Variants in PDE1C observed in about 807,000 individuals in gnomAD.
PDE1C encodes phosphodiesterase 1C, also known as dual specificity calcium/calmodulin-dependent 3',5'-cyclic nucleotide phosphodiesterase 1C.
A neutral mutation model predicts 93.1 loss-of-function variants in PDE1C; 62 were observed. The observed-to-expected ratio is 0.67, with a 90% CI of 0.54 to 0.82. PDE1C has a LOEUF of 0.82. PDE1C is among the 40% of genes least tolerant of loss of function. PDE1C has a pLI of 0.00. For missense variants in PDE1C, 742 were observed against 884.6 expected, an observed-to-expected ratio of 0.84 and a Z score of 2.04; for synonymous variants, 325 against 310.1, an observed-to-expected ratio of 1.05 and a Z score of -0.50.
chr7:32,095,073 A>G (rs1294125326), intron 3 of PDE1C, among the ~76,000 whole-genome samples: 2 of 152,208 alleles, frequency 1.3e-5, no homozygotes. Flanking sequence ...GCCCCTCTAG[A>G]CTATAAATCA....
At chr7:32,364,074 T>C (rs867461111) in intron 1 of PDE1C, among the ~76,000 whole-genome samples, 1 of 152,168 alleles carries the variant, frequency 6.6e-6, no homozygotes, top group Non-Finnish European at 1.5e-5. Flanking sequence ...CTCTCAAATC[T>C]ACACTCACTG....
chr7:31,876,900 A>G (rs1454678425), intron 5 of PDE1C, among the ~76,000 whole-genome samples: 2 of 152,146 alleles, frequency 1.3e-5, no homozygotes, highest in Admixed American at 6.5e-5. Flanking sequence ...TCTCAAATTC[A>G]GCTAGTAAAT....
intron 1 of PDE1C, among the ~76,000 whole-genome samples, chr7:32,341,797 A>T (rs1783763600): frequency 6.6e-6 from 1 of 152,198 alleles, no homozygotes; most frequent in African/African-American, 2.4e-5. Context: ...TGTTTGCATG[A>T]GGTCATGTAG....
intron 7 of PDE1C, among the ~76,000 whole-genome samples, chr7:31,851,086 ACACACACACACACAT>A (rs1793273997): frequency 6.4e-5 from 1 of 15,618 alleles, no homozygotes; most frequent in African/African-American, 1.1e-4. Flanking sequence ...ACACACACAC[ACACACACACACACAT>A]AAAAAAATTA....
chr7:31,905,814 G>A (rs1375159839), intron 2 of PDE1C, among the ~76,000 whole-genome samples: 1 of 152,154 alleles, frequency 6.6e-6, no homozygotes, highest in Non-Finnish European at 1.5e-5. Flanking sequence ...CCTGGTAGGA[G>A]GTAATCGAAT....
intron 2 of PDE1C, among the ~76,000 whole-genome samples, chr7:31,915,958 C>T (rs752664658): frequency 3.3e-5 from 5 of 151,972 alleles, no homozygotes; most frequent in East Asian, 1.9e-4. Flanking sequence ...TAGTAATAAA[C>T]GGGGAAAACT....
chr7:31,718,285 G>T, the PDE1C span, among the ~76,000 whole-genome samples: 2 of 151,996 alleles, frequency 1.3e-5, no homozygotes, highest in Non-Finnish European at 2.9e-5. Flanking sequence ...CGGGAGGAAG[G>T]CTTGGAAAAT....
chr7:32,089,473 C>T (rs1050667603), intron 3 of PDE1C, among the ~76,000 whole-genome samples: 3 of 152,106 alleles, frequency 2.0e-5, no homozygotes, highest in Admixed American at 6.5e-5. Flanking sequence ...TTTGCAATTA[C>T]CAACCACGTC....
At chr7:31,758,470 G>C (rs1190066757) in intron 17 of PDE1C, among the ~76,000 whole-genome samples, 1 of 152,132 alleles carries the variant, frequency 6.6e-6, no homozygotes, top group Non-Finnish European at 1.5e-5. Context: ...AGAACAGACA[G>C]AAATCCCTGC....
At chr7:32,048,805 G>T (rs1281728077) in intron 2 of PDE1C, among the ~76,000 whole-genome samples, 2 of 152,110 alleles carry the variant, frequency 1.3e-5, no homozygotes, top group African/African-American at 4.8e-5. Context: ...AAAAATAGAA[G>T]AGCTCAAACT....
At chr7:31,713,455 C>G in the PDE1C span, among the ~76,000 whole-genome samples, 3 of 152,358 alleles carry the variant, frequency 2.0e-5, no homozygotes, top group South Asian at 6.2e-4. Flanking sequence ...CGAGTGTCTG[C>G]AGCTTTTCCA....
chr7:32,266,633 T>C (rs1272835857), intron 1 of PDE1C, among the ~76,000 whole-genome samples: 2 of 152,026 alleles, frequency 1.3e-5, no homozygotes, highest in African/African-American at 2.4e-5. Flanking sequence ...ATCCATGATG[T>C]GATAGATAAG....
intron 2 of PDE1C, among the ~76,000 whole-genome samples, chr7:31,881,246 C>T (rs527816009): frequency 9.2e-5 from 14 of 152,114 alleles, no homozygotes; most frequent in Non-Finnish European, 1.3e-4. Flanking sequence ...GGCACTTGGT[C>T]CAGCAGTGGC....
intron 2 of PDE1C, among the ~76,000 whole-genome samples, chr7:31,975,393 A>G (rs1469601918): frequency 1.3e-5 from 2 of 152,150 alleles, no homozygotes; most frequent in African/African-American, 4.8e-5. Context: ...ATGTCCGTGT[A>G]GCACCAATCC....
chr7:32,335,199 G>A (rs1585114199), intron 1 of PDE1C, among the ~76,000 whole-genome samples: 1 of 152,180 alleles, frequency 6.6e-6, no homozygotes, highest in South Asian at 2.1e-4. Flanking sequence ...AATTGCCTAA[G>A]GGGTCAATGT....
At chr7:32,248,462 G>T (rs145845091) in intron 1 of PDE1C, among the ~76,000 whole-genome samples, 118 of 152,288 alleles carry the variant, frequency 7.7e-4, no homozygotes, top group African/African-American at 2.7e-3. Context: ...AAATGTAGCA[G>T]GCAAAATTGA....
At chr7:32,350,075 C>CTTT (rs1783932732) in intron 1 of PDE1C, among the ~76,000 whole-genome samples, 1 of 148,748 alleles carries the variant, frequency 6.7e-6, no homozygotes, top group African/African-American at 2.4e-5. Flanking sequence ...TATTGTCTTG[C>CTTT]TGTTGTTGTT....
intron 5 of PDE1C, among the ~76,000 whole-genome samples, chr7:31,875,835 A>AT (rs70989618): frequency 5.7e-5 from 7 of 123,604 alleles, no homozygotes; most frequent in East Asian, 2.4e-4. Flanking sequence ...ATATATATAT[A>AT]ATGGAAAAAG....
At chr7:31,955,834 G>T (rs1445256704) in intron 2 of PDE1C, among the ~76,000 whole-genome samples, 2 of 152,150 alleles carry the variant, frequency 1.3e-5, no homozygotes, top group African/African-American at 4.8e-5. Context: ...CGTCACTCTG[G>T]TATCCAAAGT....
Sources: allele counts gnomAD v4.1 joint callset (sites outside exome capture counted in the v4.1 genomes callset), GRCh38; gene constraint gnomAD v4.1.1; transcripts MANE v1.5; gene names NCBI Gene and HGNC (gene_info 2026-07-23, HGNC 2026-07-21).